The following AGBL1 variants were observed in gnomAD, a reference collection of about 807,000 sequenced individuals.
AGBL1 encodes cytosolic carboxypeptidase 4.
A neutral mutation model predicts 118.9 loss-of-function variants in AGBL1; 130 were observed. The ratio of observed to expected loss-of-function variants is 1.09; its 90% CI spans 0.95 to 1.26. The LOEUF (loss-of-function observed/expected upper bound fraction) is 1.26, where lower values mean the gene tolerates loss of function less well. AGBL1 is among the 50% of genes most tolerant of loss of function. AGBL1 has a pLI of 0.00. For synonymous variants in AGBL1, 555 were observed against 478.9 expected (o/e 1.16, Z -2.08); for missense variants, 1,584 against 1,298.1 (o/e 1.22, Z -3.38).
intron 17 of AGBL1, among the ~76,000 whole-genome samples, chr15:86,383,504 T>A (rs12914741): frequency 0.1 from 15,873 of 151,966 alleles, 1,137 homozygotes; most frequent in African/African-American, 0.2. Flanking sequence ...GGAGAATCTC[T>A]TGCATCTGGG....
At chr15:86,352,684 G>T (rs1027484633) in intron 17 of AGBL1, among the ~76,000 whole-genome samples, 1 of 152,052 alleles carries the variant, frequency 6.6e-6, no homozygotes, top group African/African-American at 2.4e-5. Flanking sequence ...GTTTCACTAT[G>T]TTGGCCAGGC....
At chr15:87,018,134 G>A (rs1367159182) in intron 24 of AGBL1, among the ~76,000 whole-genome samples, 1 of 152,112 alleles carries the variant, frequency 6.6e-6, no homozygotes, top group Non-Finnish European at 1.5e-5. Context: ...AAGACACTGT[G>A]CCTACAATGG....
chr15:86,510,170 G>A lies in AGBL1; in HGVS notation c.2556-12640G>A, dbSNP rs144658316. On this transcript the variant is annotated intron_variant, in intron 18 of 22. Transcript: ENST00000614907. The stretch of plus-strand genomic sequence containing the variant: ...AATTATTTTTCTGTACCTGTGTCCC[G>A]TGTCCTAAGAGACTAATCAGGATTT... Among the ~76,000 whole-genome samples the A allele has an allele frequency of 2.4e-3, 364 of 152,124 alleles. 2 individuals are homozygous for A. Among genetic ancestry groups the A allele is most frequent in the African/African-American group, 8.0e-3 (333 of 41,528 alleles).
intron 24 of AGBL1, among the ~76,000 whole-genome samples, chr15:87,006,210 C>G (rs1408035735): frequency 1.3e-5 from 2 of 152,224 alleles, no homozygotes; most frequent in Non-Finnish European, 2.9e-5. Flanking sequence ...AACCACTACT[C>G]TTCAAAGCTG....
intron 18 of AGBL1, among the ~76,000 whole-genome samples, chr15:86,463,193 T>A (rs2082355068): frequency 6.6e-6 from 1 of 152,252 alleles, no homozygotes; most frequent in Non-Finnish European, 1.5e-5. Flanking sequence ...TGGCCAGTGA[T>A]GATGAGCATT....
chr15:86,901,104 ATTC>A (rs1229583533), intron 22 of AGBL1, among the ~76,000 whole-genome samples: 1 of 152,242 alleles, frequency 6.6e-6, no homozygotes, highest in South Asian at 2.1e-4. Flanking sequence ...GGTTATAAGA[ATTC>A]TTTAAATAGT....
intron 21 of AGBL1, among the ~76,000 whole-genome samples, chr15:86,599,175 T>C (rs62012507): frequency 1.3e-5 from 2 of 152,130 alleles, no homozygotes; most frequent in African/African-American, 4.8e-5. Context: ...GTTTACTAAG[T>C]TTTTAAGCCA....
chr15:86,990,188 C>G (rs186773205), intron 24 of AGBL1, among the ~76,000 whole-genome samples: 29 of 152,178 alleles, frequency 1.9e-4, no homozygotes, highest in African/African-American at 6.7e-4. Flanking sequence ...TTGTGTAACT[C>G]CAGATGAGAG....
intron 17 of AGBL1, among the ~76,000 whole-genome samples, chr15:86,387,211 G>C (rs903729927): frequency 6.6e-6 from 1 of 152,154 alleles, no homozygotes; most frequent in Admixed American, 6.5e-5. Context: ...TCAGGTGGAA[G>C]GACAATGAGA....
chr15:86,387,767 A>C (rs2141974564), intron 17 of AGBL1, among the ~76,000 whole-genome samples: 1 of 152,284 alleles, frequency 6.6e-6, no homozygotes, highest in Non-Finnish European at 1.5e-5. Context: ...AAGAATCCCC[A>C]GTGCGGTGAG....
intron 22 of AGBL1, among the ~76,000 whole-genome samples, chr15:86,761,536 G>A (rs1249866427): frequency 6.6e-6 from 1 of 152,006 alleles, no homozygotes; most frequent in Non-Finnish European, 1.5e-5. Flanking sequence ...TCAGCTCTGT[G>A]GTAAATTTGC....
At chr15:86,780,260 T>C (rs558024914) in intron 22 of AGBL1, among the ~76,000 whole-genome samples, 2 of 152,338 alleles carry the variant, frequency 1.3e-5, no homozygotes, top group South Asian at 4.1e-4. Context: ...CGTGTCAGTT[T>C]TGTCATAAAT....
At chr15:86,232,738 C>T (rs745328946) in intron 6 of AGBL1, among the ~76,000 whole-genome samples, 1 of 152,188 alleles carries the variant, frequency 6.6e-6, no homozygotes, top group Non-Finnish European at 1.5e-5. Context: ...CATTTCCCCT[C>T]TCGCTCTTTG....
At chr15:86,211,890 T>C (rs2078105146) in intron 5 of AGBL1, among the ~76,000 whole-genome samples, 1 of 152,120 alleles carries the variant, frequency 6.6e-6, no homozygotes, top group Non-Finnish European at 1.5e-5. Context: ...GGCACCTCAG[T>C]TGGAAATGCA....
At chr15:86,792,974 T>C (rs1042240146) in intron 22 of AGBL1, among the ~76,000 whole-genome samples, 4 of 152,192 alleles carry the variant, frequency 2.6e-5, no homozygotes, top group Admixed American at 6.5e-5. Flanking sequence ...TTTGCACTTT[T>C]GTGCCTCTTG....
chr15:86,770,281 A>G (rs569978298), intron 22 of AGBL1, among the ~76,000 whole-genome samples: 1 of 152,064 alleles, frequency 6.6e-6, no homozygotes, highest in East Asian at 1.9e-4. Context: ...ATAAATAACT[A>G]TCACAGTGCA....
rs1245577207 is a variant in AGBL1 at position 86,113,243 on chromosome 15, TTTTCTTTTCTTTTC to T, written c.52-28753_52-28740del. Among the ~76,000 whole-genome samples, 103 of 78,136 alleles carry T rather than the reference TTTTCTTTTCTTTTC, an allele frequency of 1.3e-3. 1 individual carries two copies. Among genetic ancestry groups the T allele is most frequent in the African/African-American group, 4.4e-3 (82 of 18,526 alleles). The allele number at this position is 78,136 out of a possible 152,430, so 51.3% of individuals were successfully genotyped here. ...TTTTCTTTTCTTTTCTTTTCTTTTC[TTTTCTTTTCTTTTC>T]TTTCTTTCTTTCTTTCTTTTTCTTT... is the stretch of plus-strand genomic sequence containing the variant. On this transcript the variant is annotated intron_variant, in intron 1 of 22. Transcript: ENST00000614907.
At chr15:86,961,461 G>T (rs892922693) in intron 23 of AGBL1, among the ~76,000 whole-genome samples, 1 of 151,964 alleles carries the variant, frequency 6.6e-6, no homozygotes, top group African/African-American at 2.4e-5. Context: ...CAGATTCAAG[G>T]GTCTGAAGAA....
intron 1 of AGBL1, among the ~76,000 whole-genome samples, chr15:86,125,949 T>C (rs149776191): frequency 2.6e-5 from 4 of 152,328 alleles, no homozygotes; most frequent in African/African-American, 9.6e-5. Flanking sequence ...CTTTATGGGT[T>C]ATGTGATCCT....
Sources: gnomAD v4.1 joint callset for allele counts (sites outside exome capture counted in the v4.1 genomes callset) on GRCh38, gnomAD v4.1.1 for gene constraint, MANE v1.5 for transcripts, NCBI Gene and HGNC (gene_info 2026-07-23, HGNC 2026-07-21) for gene names.